The following CYP2C19 variants were observed in gnomAD, a reference collection of about 807,000 sequenced individuals.
The protein encoded by CYP2C19 is cytochrome P450 family 2 subfamily C member 19, also known as cytochrome P450 2C19.
In CYP2C19, 59 loss-of-function variants were observed where a neutral mutation model predicts 40.9. The ratio of observed to expected loss-of-function variants is 1.44; its 90% CI spans 1.17 to 1.79. The LOEUF is 1.79. Ranked by LOEUF, CYP2C19 falls within the 40% of genes most tolerant of loss-of-function variation. The probability of loss-of-function intolerance (pLI) is 0.00; values close to 1 mark genes in which losing one functional copy is unlikely to be tolerated. For missense variants in CYP2C19, 754 were observed against 596.9 expected (o/e 1.26, Z -2.74); for synonymous variants, 253 against 208.7 (o/e 1.21, Z -1.83).
chr10:94,836,513 A>G (rs1564681425), intron 6 of CYP2C19, among the ~76,000 whole-genome samples: 1 of 152,182 alleles, frequency 6.6e-6, no homozygotes, highest in Non-Finnish European at 1.5e-5. Flanking sequence ...TGTCCATCTT[A>G]CTAAATGGAT....
chr10:94,818,182 C>G (rs1849042448), intron 5 of CYP2C19, among the ~76,000 whole-genome samples: 1 of 146,870 alleles, frequency 6.8e-6, no homozygotes, highest in Non-Finnish European at 1.5e-5. Context: ...TCAGGTTTGT[C>G]AAAGATCAGA....
chr10:94,800,292 A>T (rs888533112), intron 5 of CYP2C19, among the ~76,000 whole-genome samples: 6 of 152,182 alleles, frequency 3.9e-5, no homozygotes, highest in Non-Finnish European at 7.4e-5. Context: ...AGTTTGTTGG[A>T]GGTTCACTCC....
At chr10:94,841,393 G>A (rs917363249) in intron 6 of CYP2C19, among the ~76,000 whole-genome samples, 2 of 152,176 alleles carry the variant, frequency 1.3e-5, no homozygotes, top group African/African-American at 4.8e-5. Flanking sequence ...TTGCGATGGT[G>A]GCAAACAGCA....
chr10:94,805,655 G>A (rs1459775523), intron 5 of CYP2C19, among the ~76,000 whole-genome samples: 1 of 152,126 alleles, frequency 6.6e-6, no homozygotes, highest in African/African-American at 2.4e-5. Flanking sequence ...AGGTTGAGGT[G>A]GGCAGATTTC....
intron 6 of CYP2C19, among the ~76,000 whole-genome samples, chr10:94,842,398 T>TG (rs1849509283): frequency 6.6e-6 from 1 of 150,724 alleles, no homozygotes; most frequent in South Asian, 2.1e-4. Context: ...GTGAAGTTTT[T>TG]TTTTTTTTTT....
intron 5 of CYP2C19, among the ~76,000 whole-genome samples, chr10:94,783,857 A>G (rs763449507): frequency 2.0e-4 from 31 of 152,178 alleles, no homozygotes; most frequent in Non-Finnish European, 3.5e-4. Context: ...GAATTTTGAC[A>G]GGATTGCATT....
At chr10:94,795,001 G>C (rs1278601241) in intron 5 of CYP2C19, among the ~76,000 whole-genome samples, 1 of 151,642 alleles carries the variant, frequency 6.6e-6, no homozygotes, top group African/African-American at 2.4e-5. Context: ...CTTTATATAT[G>C]TAAATATATA....
chr10:94,845,965 A>G (rs994841182), intron 7 of CYP2C19, among the ~76,000 whole-genome samples: 2 of 152,086 alleles, frequency 1.3e-5, no homozygotes, highest in Admixed American at 1.3e-4. Context: ...CTAGACCTCA[A>G]TACTGCAGTA....
chr10:94,781,885 A>G lies in CYP2C19; in HGVS notation c.707A>G (p.Asn236Ser). ...FPGTHNKLLK[N>S]LAFMESDILE... ...GGAACCCATAACAAATTACTTAAAAACCTTGCTTTTATGGAAAGTGATATT... is the reference window on the plus strand; with the variant it reads ...GGAACCCATAACAAATTACTTAAAAGCCTTGCTTTTATGGAAAGTGATATT... Residue 236 changes from asparagine to serine, a missense_variant, in exon 5 of 9, where the codon AAC (asparagine) becomes AGC (serine). By Grantham distance (46) the Asn-to-Ser change is conservative (BLOSUM62 1). Coordinates refer to ENST00000371321, the MANE Select transcript of CYP2C19 (RefSeq NM_000769.4). The G allele has an allele frequency of 6.7e-7, 1 of 1,501,356 alleles. No homozygotes were observed. The highest frequency in any genetic ancestry group is 8.8e-7 in the Non-Finnish European group (1 of 1,137,004). The allele number at this position is 1,501,356 out of a possible 1,614,324, so 93.0% of individuals were successfully genotyped here.
rs555766437 is a variant in CYP2C19, at chr10:94,849,850, T to C, written c.1150-67T>C. 1.9e-6 allele frequency: 3 copies of C among 1,574,740 alleles called. No individual in the cohort carries two copies. In the East Asian group the frequency reaches 6.7e-5, roughly 35 times the overall value. On this transcript the variant is annotated intron_variant, in intron 7 of 8. Coordinates refer to ENST00000371321, the MANE Select transcript of CYP2C19 (RefSeq NM_000769.4). Reference sequence around the variant, plus strand: ...TACATCAAAAGATTTAACTGCATGATTACCACTGTTTCTTAAACCTTCGTG... The same window carrying C: ...TACATCAAAAGATTTAACTGCATGACTACCACTGTTTCTTAAACCTTCGTG...
At chr10:94,802,007 G>C (rs906474163) in intron 5 of CYP2C19, among the ~76,000 whole-genome samples, 4 of 152,138 alleles carry the variant, frequency 2.6e-5, no homozygotes, top group African/African-American at 4.8e-5. Context: ...AGACCTTAGA[G>C]GGTTGCTTCT....
At chr10:94,786,663 GT>G (rs1456696468) in intron 5 of CYP2C19, among the ~76,000 whole-genome samples, 1 of 152,072 alleles carries the variant, frequency 6.6e-6, no homozygotes, top group Non-Finnish European at 1.5e-5. Flanking sequence ...TACCCAATAG[GT>G]AGTTTTTCAG....
At chr10:94,793,756 G>A (rs1215959642) in intron 5 of CYP2C19, among the ~76,000 whole-genome samples, 5 of 152,138 alleles carry the variant, frequency 3.3e-5, no homozygotes, top group Admixed American at 3.3e-4. Context: ...TGTATGGGGT[G>A]TCAGTCGGCC....
In CYP2C19 at chr10:94,841,025, G is replaced by T. The variant is rs116238044; in HGVS notation, c.962-1812G>T. Among the ~76,000 whole-genome samples, 475 of 152,272 alleles carry T rather than the reference G, an allele frequency of 3.1e-3. 3 individuals are homozygous for T. The highest frequency in any genetic ancestry group is 0.011 in the African/African-American group (448 of 41,552). On this transcript the variant is annotated intron_variant, in intron 6 of 8. Coordinates refer to ENST00000371321, the MANE Select transcript of CYP2C19 (RefSeq NM_000769.4). ...CCAAAATGTTACCAAGGGGGTCCTT[G>T]CTCACAGAGCTCCCAAGATGGTGGT...
At chr10:94,834,132 G>A (rs1165292772) in intron 6 of CYP2C19, among the ~76,000 whole-genome samples, 1 of 152,054 alleles carries the variant, frequency 6.6e-6, no homozygotes, top group Non-Finnish European at 1.5e-5. Context: ...TCAAGTCTTG[G>A]GGTTTTCCTT....
intron 5 of CYP2C19, among the ~76,000 whole-genome samples, chr10:94,812,314 T>A (rs1216592697): frequency 6.6e-6 from 1 of 152,136 alleles, no homozygotes; most frequent in Non-Finnish European, 1.5e-5. Context: ...ACATTTTTCC[T>A]TTCTTTTAAC....
intron 7 of CYP2C19, among the ~76,000 whole-genome samples, chr10:94,843,864 G>C (rs908483923): frequency 6.6e-6 from 1 of 152,142 alleles, no homozygotes; most frequent in Non-Finnish European, 1.5e-5. Context: ...AGCAGTGGAA[G>C]TTTTACATTT....
intron 6 of CYP2C19, among the ~76,000 whole-genome samples, chr10:94,837,370 G>A (rs1849420911): frequency 6.6e-6 from 1 of 152,094 alleles, no homozygotes; most frequent in Non-Finnish European, 1.5e-5. Flanking sequence ...AACTTGAACA[G>A]GACAGGCATT....
chr10:94,797,619 G>T (rs1848707416), intron 5 of CYP2C19, among the ~76,000 whole-genome samples: 1 of 151,918 alleles, frequency 6.6e-6, no homozygotes, highest in Non-Finnish European at 1.5e-5. Context: ...TTCTGGTCCT[G>T]AACTTTTTTT....
Sources: gnomAD v4.1 joint callset for allele counts (sites outside exome capture counted in the v4.1 genomes callset) on GRCh38, gnomAD v4.1.1 for gene constraint, MANE v1.5 for transcripts, NCBI Gene and HGNC (gene_info 2026-07-23, HGNC 2026-07-21) for gene names.